The following PDK1 variants were observed in gnomAD, a reference collection of about 807,000 sequenced individuals.
PDK1 encodes the protein [Pyruvate dehydrogenase (acetyl-transferring)] kinase isozyme 1, mitochondrial.
A neutral mutation model predicts 54.2 loss-of-function variants in PDK1; 39 were observed. That is an observed-to-expected ratio of 0.72 (90% CI 0.56 to 0.94). PDK1 has a LOEUF of 0.94. PDK1 is among the 40% of genes least tolerant of loss of function. PDK1 has a pLI of 0.00. For synonymous variants in PDK1, 221 were observed against 207.1 expected (o/e 1.07, Z -0.58); for missense variants, 552 against 566.0 (o/e 0.98, Z 0.25).
chr2:172,618,774 G>A, the PDK1 span, among the ~76,000 whole-genome samples: 19 of 152,174 alleles, frequency 1.2e-4, no homozygotes, highest in Non-Finnish European at 2.9e-5. Context: ...AAAGTAAGAA[G>A]CTTTCCTACA....
the PDK1 span, among the ~76,000 whole-genome samples, chr2:172,620,507 T>C: frequency 6.6e-6 from 1 of 152,172 alleles, no homozygotes; most frequent in African/African-American, 2.4e-5. Flanking sequence ...ATGAGACCCG[T>C]CATCCTATGC....
chr2:172,648,026 C>T, the PDK1 span, among the ~76,000 whole-genome samples: 1 of 152,098 alleles, frequency 6.6e-6, no homozygotes, highest in Non-Finnish European at 1.5e-5. Flanking sequence ...CAGTAACCTT[C>T]AGAAGTTTCA....
intron 8 of PDK1, among the ~76,000 whole-genome samples, chr2:172,573,325 T>G (rs1689385634): frequency 6.6e-6 from 1 of 152,180 alleles, no homozygotes; most frequent in South Asian, 2.1e-4. Flanking sequence ...TTATTTGCAT[T>G]TGTCTAATGA....
the PDK1 span, among the ~76,000 whole-genome samples, chr2:172,619,385 A>G: frequency 6.6e-6 from 1 of 152,010 alleles, no homozygotes. Flanking sequence ...TCAGTGGACC[A>G]GGGGTGGAGC....
At chr2:172,646,998 A>G in the PDK1 span, among the ~76,000 whole-genome samples, 1 of 151,798 alleles carries the variant, frequency 6.6e-6, no homozygotes. Context: ...TGACCTCCCA[A>G]AGTGTTGGGA....
At chr2:172,710,720 A>ATT in the PDK1 span, among the ~76,000 whole-genome samples, 2 of 152,208 alleles carry the variant, frequency 1.3e-5, no homozygotes, top group Non-Finnish European at 2.9e-5. Context: ...GATCAGTGAA[A>ATT]TTGTCAGACT....
chr2:172,621,742 C>CTCATATGTATG, the PDK1 span, among the ~76,000 whole-genome samples: 2 of 139,610 alleles, frequency 1.4e-5, no homozygotes, highest in African/African-American at 5.9e-5. Flanking sequence ...TCATATATGT[C>CTCATATGTATG]ATATATGTTT....
Position 172,603,407 on chromosome 2 carries a change from T to C in PDK1, c.*7438T>C, listed in dbSNP as rs1691179891. 1 of 152,208 alleles carries C rather than the reference T, an allele frequency of 6.6e-6. No homozygotes were observed. The highest frequency in any genetic ancestry group is 2.4e-5 in the African/African-American group (1 of 41,444). The allele number at this position is 152,208 out of a possible 1,614,324, so 9.4% of individuals were successfully genotyped here. A position where few individuals can be genotyped will look rare whatever the true frequency, so the allele number is the denominator to read the frequency against. Reference sequence around the variant, plus strand: ...TTTTAAGGATCTTACCCAGTGAACATATAACTAGTGGAAATCCTGATAATT... The same window carrying C: ...TTTTAAGGATCTTACCCAGTGAACACATAACTAGTGGAAATCCTGATAATT... On this transcript the variant is annotated 3_prime_UTR_variant, in exon 11 of 11. Transcript: ENST00000282077.
At chr2:172,560,376 C>G (rs1262836126) in intron 2 of PDK1, among the ~76,000 whole-genome samples, 1 of 152,162 alleles carries the variant, frequency 6.6e-6, no homozygotes, top group East Asian at 1.9e-4. Context: ...CTTTTTTGCC[C>G]AGGCAGGTTG....
chr2:172,567,270 C>A (rs535524774), intron 6 of PDK1, among the ~76,000 whole-genome samples: 1 of 152,284 alleles, frequency 6.6e-6, no homozygotes, highest in South Asian at 2.1e-4. Context: ...GTAAGACTTA[C>A]CCTTTTTCTA....
At chr2:172,585,562 G>A (rs1690177172) in intron 8 of PDK1, among the ~76,000 whole-genome samples, 1 of 152,132 alleles carries the variant, frequency 6.6e-6, no homozygotes, top group Non-Finnish European at 1.5e-5. Context: ...CTGACCTCAA[G>A]TGATTCACCC....
At chr2:172,668,892 C>T in the PDK1 span, among the ~76,000 whole-genome samples, 29 of 65,374 alleles carry the variant, frequency 4.4e-4, no homozygotes, top group East Asian at 9.3e-4. Context: ...CACACACACA[C>T]ACATATATAT....
At chr2:172,562,135 T>C (rs2149199938) in intron 2 of PDK1, 85 bp from the exon 3 acceptor site, 1 of 758,376 alleles carries the variant, frequency 1.3e-6, no homozygotes, top group East Asian at 2.5e-5. Context: ...TATAAAATGC[T>C]AAAAATAGCT....
In PDK1 at chr2:172,597,797, AAAG is replaced by A. The variant is rs534907878; in HGVS notation, c.*1833_*1835del. ...TTTTAAAGTAAAAATTTTAAAGTTT[AAAG>A]AAGAGTTTTGCCACTTAAACAGGGG... On this transcript the variant is annotated 3_prime_UTR_variant, in exon 11 of 11. Coordinates refer to ENST00000282077, the MANE Select transcript of PDK1 (RefSeq NM_002610.5). 2.3e-4 allele frequency: 35 copies of A among 152,372 alleles called. No individual in the cohort carries two copies. Among genetic ancestry groups the A allele is most frequent in the African/African-American group, 8.2e-4 (34 of 41,588 alleles). The allele number at this position is 152,372 out of a possible 1,614,324, so 9.4% of individuals were successfully genotyped here.
upstream of PDK1, chr2:172,555,397 A>G (rs1688261261): frequency 6.6e-6 from 1 of 152,196 alleles, no homozygotes; most frequent in Admixed American, 6.5e-5. Flanking sequence ...TTTCAGGTAA[A>G]GAGACGGAGG....
At chr2:172,716,974 G>T in the PDK1 span, among the ~76,000 whole-genome samples, 1 of 152,094 alleles carries the variant, frequency 6.6e-6, no homozygotes, top group African/African-American at 2.4e-5. Context: ...GTGTGGATTG[G>T]AGTACTCGTA....
chr2:172,556,703 C>T (rs987769906), intron 1 of PDK1: 38 of 210,972 alleles, frequency 1.8e-4, no homozygotes, highest in African/African-American at 8.7e-4. Context: ...CCGAGAATCG[C>T]GTTTGGATTC....
At chr2:172,573,575 A>G (rs1196378115) in intron 8 of PDK1, among the ~76,000 whole-genome samples, 1 of 151,314 alleles carries the variant, frequency 6.6e-6, no homozygotes, top group Non-Finnish European at 1.5e-5. Flanking sequence ...ATATACATAT[A>G]TGTGTGTGTA....
At chr2:172,618,341 AAAC>A in the PDK1 span, among the ~76,000 whole-genome samples, 1 of 152,346 alleles carries the variant, frequency 6.6e-6, no homozygotes, top group African/African-American at 2.4e-5. Context: ...CTAAAGACAA[AAAC>A]AAGAGATCTT....
Sources: gnomAD v4.1 joint callset for allele counts (sites outside exome capture counted in the v4.1 genomes callset) on GRCh38, gnomAD v4.1.1 for gene constraint, MANE v1.5 for transcripts, NCBI Gene and HGNC (gene_info 2026-07-23, HGNC 2026-07-21) for gene names.